PRKCB: variants seen among roughly 807,000 people sequenced by gnomAD.
The protein encoded by PRKCB is protein kinase C beta.
A neutral mutation model predicts 81.5 loss-of-function variants in PRKCB; 13 were observed. The observed-to-expected ratio is 0.16, with a 90% CI of 0.10 to 0.25. The LOEUF (loss-of-function observed/expected upper bound fraction) is 0.25. PRKCB is among the 10% of genes least tolerant of loss of function. PRKCB has a pLI of 1.00. For missense variants in PRKCB, 509 were observed against 875.7 expected (o/e 0.58, Z 5.29); for synonymous variants, 335 against 321.4 (o/e 1.04, Z -0.45).
intron 5 of PRKCB, among the ~76,000 whole-genome samples, chr16:24,068,018 T>C (rs888553768): frequency 6.6e-6 from 1 of 151,932 alleles, no homozygotes; most frequent in Non-Finnish European, 1.5e-5. Flanking sequence ...GTCACCCTTC[T>C]GGTGGTGATC....
intron 9 of PRKCB, among the ~76,000 whole-genome samples, chr16:24,127,716 A>G (rs1966847009): frequency 6.6e-6 from 1 of 152,164 alleles, no homozygotes; most frequent in Non-Finnish European, 1.5e-5. Flanking sequence ...AAACTGTTAT[A>G]ATAATTGAGA....
chr16:24,051,120 A>G (rs1442145728), intron 5 of PRKCB, among the ~76,000 whole-genome samples: 1 of 152,126 alleles, frequency 6.6e-6, no homozygotes, highest in Non-Finnish European at 1.5e-5. Flanking sequence ...CTTACTTTTG[A>G]AAAGATAGTT....
chr16:24,106,547 T>C (rs1280823047), intron 7 of PRKCB, among the ~76,000 whole-genome samples: 2 of 152,198 alleles, frequency 1.3e-5, no homozygotes, highest in Non-Finnish European at 2.9e-5. Context: ...GTGGCAAAAC[T>C]TTTGTGCCCA....
chr16:23,885,439 G>T (rs1428568163), intron 2 of PRKCB, among the ~76,000 whole-genome samples: 2 of 152,136 alleles, frequency 1.3e-5, no homozygotes, highest in Non-Finnish European at 2.9e-5. Flanking sequence ...CTCCCGAGTA[G>T]CTGAGGTTAT....
At position 23,840,114 on chromosome 16, in the gene PRKCB, G is replaced by A. The variant is rs117743435; in HGVS notation, c.205+2708G>A. The stretch of plus-strand genomic sequence containing the variant: ...TTAGAATGGGAACATATAGGAAAGA[G>A]GGAAATTTATCCCTGGTACTCAGCA... On this transcript the variant is annotated intron_variant, in intron 2 of 16. Coordinates refer to ENST00000643927, the MANE Select transcript of PRKCB (RefSeq NM_002738.7). 2.9e-4 allele frequency among the ~76,000 whole-genome samples: 44 copies of A among 152,288 alleles called. 2 individuals carry two copies. The East Asian group carries it at 5.2e-3, about 18-fold the overall frequency.
At chr16:24,078,374 T>A (rs1049317878) in intron 5 of PRKCB, among the ~76,000 whole-genome samples, 16 of 152,190 alleles carry the variant, frequency 1.1e-4, no homozygotes, top group African/African-American at 3.9e-4. Flanking sequence ...TTGGTAAACC[T>A]CGTCTGTCCT....
At chr16:23,943,133 TG>T (rs1390025569) in intron 2 of PRKCB, among the ~76,000 whole-genome samples, 1 of 152,168 alleles carries the variant, frequency 6.6e-6, no homozygotes, top group African/African-American at 2.4e-5. Flanking sequence ...CCACCAGACT[TG>T]TTGCATGGGA....
chr16:23,895,036 C>G (rs1675491067), intron 2 of PRKCB, among the ~76,000 whole-genome samples: 1 of 152,044 alleles, frequency 6.6e-6, no homozygotes, highest in African/African-American at 2.4e-5. Flanking sequence ...ACCCCCAAAG[C>G]AAAACAATTT....
At chr16:23,992,230 T>A (rs1964895542) in intron 3 of PRKCB, among the ~76,000 whole-genome samples, 1 of 152,252 alleles carries the variant, frequency 6.6e-6, no homozygotes, top group Non-Finnish European at 1.5e-5. Context: ...TGGTATTTTG[T>A]TACAGCAGCC....
At chr16:24,035,814 C>G (rs1273781676) in intron 5 of PRKCB, among the ~76,000 whole-genome samples, 1 of 152,202 alleles carries the variant, frequency 6.6e-6, no homozygotes, top group East Asian at 1.9e-4. Flanking sequence ...GTCTGAGTTC[C>G]TTGGACTTCT....
chr16:24,105,141 C>G (rs75349108), intron 7 of PRKCB, among the ~76,000 whole-genome samples: 3 of 152,030 alleles, frequency 2.0e-5, no homozygotes, highest in African/African-American at 4.8e-5. Context: ...ACTGCAACCT[C>G]TGCCTCCTGG....
intron 12 of PRKCB, among the ~76,000 whole-genome samples, chr16:24,179,829 G>T (rs190631977): frequency 6.6e-6 from 1 of 152,118 alleles, no homozygotes; most frequent in African/African-American, 2.4e-5. Flanking sequence ...CAGAGTAATT[G>T]TTATCTTTTT....
intron 2 of PRKCB, among the ~76,000 whole-genome samples, chr16:23,838,823 C>T (rs1411867962): frequency 1.3e-5 from 2 of 152,120 alleles, no homozygotes; most frequent in Admixed American, 6.5e-5. Context: ...GCCAACCTAC[C>T]CAGCCTGTCT....
intron 9 of PRKCB, among the ~76,000 whole-genome samples, chr16:24,146,368 G>A (rs978301740): frequency 6.6e-6 from 1 of 152,258 alleles, no homozygotes; most frequent in East Asian, 1.9e-4. Context: ...CTAAGTTAAG[G>A]TGTGCACTAA....
chr16:23,854,397 T>C (rs1037095730), intron 2 of PRKCB, among the ~76,000 whole-genome samples: 2 of 152,130 alleles, frequency 1.3e-5, no homozygotes, highest in African/African-American at 4.8e-5. Context: ...TTAGTTTCTG[T>C]GGGTCAGTAA....
intron 7 of PRKCB, among the ~76,000 whole-genome samples, chr16:24,110,510 CTTTTT>C (rs1211090636): frequency 9.0e-6 from 1 of 111,176 alleles, no homozygotes; most frequent in Non-Finnish European, 1.7e-5. Flanking sequence ...CATGCCCAAC[CTTTTT>C]TTTTTTTTTT....
intron 12 of PRKCB, among the ~76,000 whole-genome samples, chr16:24,177,015 A>C (rs975516553): frequency 2.6e-5 from 4 of 152,138 alleles, no homozygotes; most frequent in African/African-American, 9.7e-5. Context: ...TTCACTCTAC[A>C]TGATTTTCAA....
At chr16:24,036,207 CT>C (rs1298332583) in intron 5 of PRKCB, among the ~76,000 whole-genome samples, 2 of 149,062 alleles carry the variant, frequency 1.3e-5, no homozygotes, top group Non-Finnish European at 3.0e-5. Context: ...AGAGGAGGAG[CT>C]GCTGGTGGTG....
At chr16:24,038,398 C>T (rs1965651443) in intron 5 of PRKCB, among the ~76,000 whole-genome samples, 1 of 152,246 alleles carries the variant, frequency 6.6e-6, no homozygotes, top group African/African-American at 2.4e-5. Context: ...TTTAATAGCA[C>T]TTTGTGCTTT....
Sources: allele counts gnomAD v4.1 joint callset (sites outside exome capture counted in the v4.1 genomes callset), GRCh38; gene constraint gnomAD v4.1.1; transcripts MANE v1.5; gene names NCBI Gene and HGNC (gene_info 2026-07-23, HGNC 2026-07-21).